The following UBE2E3 variants were observed in gnomAD, a reference collection of about 807,000 sequenced individuals.
UBE2E3 encodes ubiquitin conjugating enzyme E2 E3, also known as ubiquitin-conjugating enzyme E2 E3.
Under a neutral mutation model 23.6 loss-of-function variants are expected in UBE2E3, and 5 were observed. The observed-to-expected ratio is 0.21, with a 90% CI of 0.11 to 0.44. The LOEUF (loss-of-function observed/expected upper bound fraction) is 0.44. UBE2E3 is among the 20% of genes least tolerant of loss of function. The pLI is 0.99. For missense variants in UBE2E3, 81 were observed against 249.8 expected (o/e 0.32, Z 4.55); for synonymous variants, 78 against 87.5 (o/e 0.89, Z 0.60).
At chr2:180,994,684 T>C (rs1053746037) in intron 3 of UBE2E3, among the ~76,000 whole-genome samples, 1 of 152,198 alleles carries the variant, frequency 6.6e-6, no homozygotes, top group Admixed American at 6.5e-5. Context: ...ACGACTTTTT[T>C]CAATAAATGT....
intron 3 of UBE2E3, among the ~76,000 whole-genome samples, chr2:181,003,645 AAAC>A (rs1198543051): frequency 2.0e-5 from 3 of 152,210 alleles, no homozygotes; most frequent in African/African-American, 7.2e-5. Flanking sequence ...AAACTTTATA[AAAC>A]AAAATTTATT....
chr2:181,050,808 TG>T (rs1238340502), intron 3 of UBE2E3, among the ~76,000 whole-genome samples: 1 of 151,860 alleles, frequency 6.6e-6, no homozygotes, highest in Non-Finnish European at 1.5e-5. Context: ...ATAAAGCACC[TG>T]GCAAAGAGTG....
intron 3 of UBE2E3, among the ~76,000 whole-genome samples, chr2:180,987,172 G>T (rs62180079): frequency 0.23 from 35,193 of 152,014 alleles, 4,447 homozygotes; most frequent in Non-Finnish European, 0.28. Flanking sequence ...TTTATTTATT[G>T]GTTTCAGTTT....
At chr2:181,014,861 C>T (rs1295868075) in intron 3 of UBE2E3, among the ~76,000 whole-genome samples, 1 of 152,000 alleles carries the variant, frequency 6.6e-6, no homozygotes, top group African/African-American at 2.4e-5. Flanking sequence ...CATTACAGAT[C>T]TTCTCTTCGA....
At chr2:181,014,540 G>A (rs1350738180) in intron 3 of UBE2E3, among the ~76,000 whole-genome samples, 2 of 152,242 alleles carry the variant, frequency 1.3e-5, no homozygotes, top group East Asian at 1.9e-4. Context: ...GGCTACATGA[G>A]CAAGCAAGGC....
chr2:181,050,044 G>A (rs1365068745), intron 3 of UBE2E3, among the ~76,000 whole-genome samples: 2 of 151,948 alleles, frequency 1.3e-5, no homozygotes, highest in Non-Finnish European at 2.9e-5. Flanking sequence ...AGGCCAATAA[G>A]TTACACAAGC....
intron 3 of UBE2E3, among the ~76,000 whole-genome samples, chr2:181,055,432 C>T (rs561768530): frequency 2.0e-5 from 3 of 151,714 alleles, no homozygotes; most frequent in Non-Finnish European, 3.0e-5. Context: ...CTGCTCATGT[C>T]CCTTCCTGAC....
At chr2:181,053,918 G>A (rs1490374220) in intron 3 of UBE2E3, among the ~76,000 whole-genome samples, 1 of 151,790 alleles carries the variant, frequency 6.6e-6, no homozygotes, top group East Asian at 1.9e-4. Context: ...TTTGCCTCCA[G>A]AATGTCATAT....
intron 3 of UBE2E3, among the ~76,000 whole-genome samples, chr2:181,054,904 G>A (rs906019905): frequency 1.3e-5 from 2 of 151,764 alleles, no homozygotes; most frequent in East Asian, 1.9e-4. Context: ...GAGTGAGAAC[G>A]AGGGGCCAGG....
Position 180,982,117 on chromosome 2 carries a change from A to G in UBE2E3, c.75A>G (p.Arg25=), listed in dbSNP as rs146744789. 1.2e-6 allele frequency: 2 copies of G among 1,613,360 alleles called. No homozygotes were observed. Among genetic ancestry groups the G allele is most frequent in the Admixed American group, 3.3e-5 (2 of 59,910 alleles). The change falls in exon 2 of 6, where the codon CGA becomes CGG. Residue 25 remains arginine, a synonymous_variant. Transcript: ENST00000410062. ...TSSGSSDADQ[R]DPAAPEPEEQ... ...GTGGCAGTTCAGATGCGGACCAGCG[A>G]GACCCAGCCGCTCCAGAGCCTGAAG...
At chr2:181,052,881 A>C (rs1349294198) in intron 3 of UBE2E3, among the ~76,000 whole-genome samples, 1 of 151,594 alleles carries the variant, frequency 6.6e-6, no homozygotes, top group African/African-American at 2.4e-5. Flanking sequence ...CTTGCTGGTC[A>C]CTTTTCTACC....
chr2:181,061,643 A>G (rs1266277876), intron 5 of UBE2E3, among the ~76,000 whole-genome samples: 4 of 151,690 alleles, frequency 2.6e-5, no homozygotes, highest in Non-Finnish European at 5.9e-5. Context: ...ATAACCTCAG[A>G]TAAAATCATT....
intron 3 of UBE2E3, among the ~76,000 whole-genome samples, chr2:181,053,547 C>T (rs536847549): frequency 6.5e-4 from 99 of 151,686 alleles, no homozygotes; most frequent in Admixed American, 2.8e-3. Context: ...AAATTAATAG[C>T]TTTTTCTGGG....
intron 1 of UBE2E3, 21 bp from the exon 2 acceptor site, chr2:180,981,997 C>T (rs1684309944): frequency 6.6e-7 from 1 of 1,513,962 alleles, no homozygotes. Context: ...TCTCCTCCTC[C>T]TCCCCTGTTC....
intron 5 of UBE2E3, 105 bp from the exon 6 acceptor site, chr2:181,062,686 G>T: frequency 4.0e-6 from 2 of 494,600 alleles, no homozygotes; most frequent in Non-Finnish European, 7.0e-6. Flanking sequence ...TATTATATAT[G>T]AAGATACTGC....
intron 4 of UBE2E3, among the ~76,000 whole-genome samples, chr2:181,059,741 G>C (rs1020240724): frequency 6.6e-6 from 1 of 151,480 alleles, no homozygotes; most frequent in Non-Finnish European, 1.5e-5. Flanking sequence ...AGTTCTAGAG[G>C]GGCATACTCT....
chr2:181,015,114 T>TG (rs1574183593), intron 3 of UBE2E3, among the ~76,000 whole-genome samples: 2 of 152,060 alleles, frequency 1.3e-5, no homozygotes, highest in East Asian at 3.9e-4. Flanking sequence ...CCTTTTAAGA[T>TG]GGAAGGGGTT....
chr2:181,057,304 A>C (rs1372365378), intron 3 of UBE2E3, among the ~76,000 whole-genome samples: 6 of 151,842 alleles, frequency 4.0e-5, no homozygotes, highest in South Asian at 2.1e-4. Flanking sequence ...GGAAATGCAC[A>C]CTGACATGTT....
intron 3 of UBE2E3, among the ~76,000 whole-genome samples, chr2:181,051,823 T>C (rs1272728333): frequency 6.6e-6 from 1 of 151,948 alleles, no homozygotes; most frequent in African/African-American, 2.4e-5. Context: ...TATGTATTTA[T>C]AGTGAATACA....
Sources: gnomAD v4.1 joint callset for allele counts (sites outside exome capture counted in the v4.1 genomes callset) on GRCh38, gnomAD v4.1.1 for gene constraint, MANE v1.5 for transcripts, NCBI Gene and HGNC (gene_info 2026-07-23, HGNC 2026-07-21) for gene names.